Variants in ZNF804B observed in about 807,000 individuals in gnomAD.
The protein encoded by ZNF804B is zinc finger 804B.
ZNF804B carries 80 observed loss-of-function variants against 101.4 expected under a neutral mutation model. The observed-to-expected ratio is 0.79, with a 90% confidence interval of 0.66 to 0.95. The LOEUF (loss-of-function observed/expected upper bound fraction) is 0.95, where lower values mean the gene tolerates loss of function less well. ZNF804B is among the 40% of genes least tolerant of loss of function. ZNF804B has a pLI of 0.00. For synonymous variants in ZNF804B, 622 were observed against 558.8 expected (o/e 1.11, Z -1.59); for missense variants, 1,673 against 1,561.9 (o/e 1.07, Z -1.20).
chr7:89,297,131 C>G (rs1790396172), intron 2 of ZNF804B, among the ~76,000 whole-genome samples: 3 of 152,018 alleles, frequency 2.0e-5, no homozygotes, highest in Admixed American at 6.6e-5. Context: ...TTCTGCCTGA[C>G]CAGGTCACAA....
chr7:89,219,668 G>A (rs1788951175), intron 2 of ZNF804B, among the ~76,000 whole-genome samples: 2 of 151,456 alleles, frequency 1.3e-5, no homozygotes, highest in African/African-American at 2.4e-5. Context: ...TGTGGCCAAA[G>A]ATTATTGCTA....
At chr7:88,773,148 G>T (rs539003606) in intron 1 of ZNF804B, among the ~76,000 whole-genome samples, 74 of 152,266 alleles carry the variant, frequency 4.9e-4, no homozygotes, top group Admixed American at 9.2e-4. Context: ...CATTCTGTTT[G>T]CAGTTTTTAT....
intron 1 of ZNF804B, among the ~76,000 whole-genome samples, chr7:89,199,369 G>A (rs1480802454): frequency 2.0e-5 from 3 of 151,750 alleles, no homozygotes; most frequent in Non-Finnish European, 4.4e-5. Flanking sequence ...TTACAGTACA[G>A]CACATTCAAA....
intron 1 of ZNF804B, among the ~76,000 whole-genome samples, chr7:89,147,083 G>GTATATATATATATATATATATA (rs147620052): frequency 3.6e-4 from 51 of 140,144 alleles, no homozygotes; most frequent in Middle Eastern, 3.8e-3. Context: ...GGATAATCAG[G>GTATATATATATATATATATATA]TATATATATA....
At chr7:88,987,736 A>ATT (rs1314782046) in intron 1 of ZNF804B, among the ~76,000 whole-genome samples, 1 of 152,078 alleles carries the variant, frequency 6.6e-6, no homozygotes, top group African/African-American at 2.4e-5. Context: ...CACCCAAAGC[A>ATT]TTTATCATTT....
At chr7:88,801,107 G>A (rs1215022294) in intron 1 of ZNF804B, among the ~76,000 whole-genome samples, 1 of 151,818 alleles carries the variant, frequency 6.6e-6, no homozygotes, top group Non-Finnish European at 1.5e-5. Flanking sequence ...TTGGTTACAT[G>A]AGTAAGTTCT....
chr7:89,071,464 G>T (rs1362988647), intron 1 of ZNF804B, among the ~76,000 whole-genome samples: 2 of 152,084 alleles, frequency 1.3e-5, no homozygotes. Context: ...ACGTGATTGA[G>T]AGGTAAGGAC....
intron 2 of ZNF804B, among the ~76,000 whole-genome samples, chr7:89,284,141 A>G (rs1790141599): frequency 6.6e-6 from 1 of 152,250 alleles, no homozygotes; most frequent in Non-Finnish European, 1.5e-5. Context: ...ATAACTGAAT[A>G]AAAGTGACCG....
intron 2 of ZNF804B, among the ~76,000 whole-genome samples, chr7:89,259,239 G>A (rs1013875321): frequency 3.3e-5 from 5 of 152,030 alleles, no homozygotes; most frequent in African/African-American, 1.2e-4. Context: ...CTTTAGTGTG[G>A]TGTCTATTGG....
In ZNF804B at chr7:88,863,946, A is replaced by C. The variant is rs149912820; in HGVS notation, c.108+103862A>C. On this transcript the variant is annotated intron_variant, in intron 1 of 3. Transcript: ENST00000333190. ...TGGGGCTCTGTCTCCTTTATGTCTGAAGTTTATTGTACAAAATCACACTTT... is the reference window on the plus strand; with the variant it reads ...TGGGGCTCTGTCTCCTTTATGTCTGCAGTTTATTGTACAAAATCACACTTT... 2.3e-3 allele frequency among the ~76,000 whole-genome samples: 357 copies of C among 152,270 alleles called. 3 individuals are homozygous for C. The highest frequency in any genetic ancestry group is 8.2e-3 in the African/African-American group (342 of 41,542).
chr7:89,228,206 G>A (rs1272956680), intron 2 of ZNF804B, among the ~76,000 whole-genome samples: 1 of 151,948 alleles, frequency 6.6e-6, no homozygotes, highest in Admixed American at 6.6e-5. Flanking sequence ...CGCAGTGAGT[G>A]TTACAGCTCA....
intron 2 of ZNF804B, among the ~76,000 whole-genome samples, chr7:89,234,423 T>C (rs1789246808): frequency 6.6e-6 from 1 of 152,142 alleles, no homozygotes; most frequent in South Asian, 2.1e-4. Flanking sequence ...CTTAACCTCT[T>C]TGAATAGTAA....
rs773436844 is a variant in ZNF804B at position 89,332,424 on chromosome 7, C to G, written c.381-939C>G. 8.8e-5 allele frequency among the ~76,000 whole-genome samples: 13 copies of G among 147,044 alleles called. No homozygotes were observed. In the Middle Eastern group the frequency reaches 0.021, roughly 237 times the overall value. On this transcript the variant is annotated intron_variant, in intron 3 of 3. Coordinates refer to ENST00000333190, the MANE Select transcript of ZNF804B (RefSeq NM_181646.5). ...AATAAAAATCAAAATTAGAAATAAG[C>G]AAACAAACACATCCAAGTATATGGA...
intron 1 of ZNF804B, among the ~76,000 whole-genome samples, chr7:89,004,114 A>G (rs1788335062): frequency 6.6e-6 from 1 of 151,722 alleles, no homozygotes; most frequent in South Asian, 2.1e-4. Flanking sequence ...TATTGTGGGC[A>G]AGGACTGGTG....
chr7:89,080,936 AATAG>A (rs1311162662), intron 1 of ZNF804B, among the ~76,000 whole-genome samples: 3 of 151,964 alleles, frequency 2.0e-5, no homozygotes, highest in African/African-American at 7.2e-5. Context: ...CAACTAAATG[AATAG>A]ATAATTTTCT....
intron 1 of ZNF804B, among the ~76,000 whole-genome samples, chr7:88,943,047 G>T (rs1300155675): frequency 6.6e-6 from 1 of 151,858 alleles, no homozygotes. Context: ...CCATTGTTAT[G>T]CTTGCCAGCT....
At chr7:88,914,238 T>G (rs752759693) in intron 1 of ZNF804B, among the ~76,000 whole-genome samples, 9 of 152,182 alleles carry the variant, frequency 5.9e-5, no homozygotes, top group African/African-American at 9.6e-5. Context: ...GGAAAATTTG[T>G]CTTGAATTTA....
At chr7:89,157,746 T>C (rs962333225) in intron 1 of ZNF804B, among the ~76,000 whole-genome samples, 1 of 152,172 alleles carries the variant, frequency 6.6e-6, no homozygotes, top group African/African-American at 2.4e-5. Flanking sequence ...TTTTTTTGGT[T>C]TGTGCACACT....
Position 88,780,272 on chromosome 7 carries a change from CA to C in ZNF804B, c.108+20194del, listed in dbSNP as rs1389184189. ...TAAAAAGAAAAGTTTGGAGGTTCCT[CA>C]AAAAACTAAAAATTAGAGACATACT... On this transcript the variant is annotated intron_variant, in intron 1 of 3. Coordinates refer to ENST00000333190, the MANE Select transcript of ZNF804B (RefSeq NM_181646.5). Among the ~76,000 whole-genome samples the C allele has an allele frequency of 4.0e-5, 6 of 149,838 alleles. No individual in the cohort carries two copies. The East Asian group carries it at 9.8e-4, about 25-fold the overall frequency.
Sources: gnomAD v4.1 joint callset for allele counts (sites outside exome capture counted in the v4.1 genomes callset) on GRCh38, gnomAD v4.1.1 for gene constraint, MANE v1.5 for transcripts, NCBI Gene and HGNC (gene_info 2026-07-23, HGNC 2026-07-21) for gene names.